Variants in LDLRAD4 observed in about 807,000 individuals in gnomAD.
LDLRAD4 encodes low density lipoprotein receptor class A domain containing 4.
LDLRAD4 carries 5 observed loss-of-function variants against 17.0 expected under a neutral mutation model. The observed-to-expected ratio is 0.29, with a 90% CI of 0.15 to 0.62. LDLRAD4 has a LOEUF of 0.62. Among genes scored for constraint, LDLRAD4 ranks in the 20% least tolerant of loss-of-function variants. The pLI is 0.84. For missense variants in LDLRAD4, 340 were observed against 424.7 expected, an observed-to-expected ratio of 0.80 and a Z score of 1.75; for synonymous variants, 168 against 171.8, an observed-to-expected ratio of 0.98 and a Z score of 0.17.
At chr18:13,633,305 T>C (rs888058067) in intron 4 of LDLRAD4, among the ~76,000 whole-genome samples, 1 of 152,266 alleles carries the variant, frequency 6.6e-6, no homozygotes, top group Non-Finnish European at 1.5e-5. Context: ...GTTCTTACTC[T>C]GGTCTGTGGA....
intron 3 of LDLRAD4, among the ~76,000 whole-genome samples, chr18:13,569,668 G>A (rs1283672305): frequency 6.6e-6 from 1 of 152,172 alleles, no homozygotes; most frequent in Non-Finnish European, 1.5e-5. Context: ...CAGATCACTT[G>A]AGGTCAGGAG....
intron 3 of LDLRAD4, chr18:13,462,248 A>G (rs2092458731): frequency 1.3e-5 from 2 of 152,286 alleles, no homozygotes; most frequent in South Asian, 4.1e-4. Context: ...CAGAAAGAAC[A>G]CTGTTACCAG....
chr18:13,607,022 A>AAAATC (rs2095231181), intron 3 of LDLRAD4, among the ~76,000 whole-genome samples: 1 of 152,226 alleles, frequency 6.6e-6, no homozygotes, highest in South Asian at 2.1e-4. Flanking sequence ...TCAGGCTAAA[A>AAAATC]AAATCAAAGT....
intron 2 of LDLRAD4, 136 bp from the exon 4 acceptor site, chr18:13,438,108 C>A: frequency 1.3e-6 from 1 of 778,446 alleles, no homozygotes. Context: ...AGTTTAGTGT[C>A]CTGGGCTCTC....
At chr18:13,545,597 C>T (rs1470016466) in intron 3 of LDLRAD4, among the ~76,000 whole-genome samples, 2 of 152,124 alleles carry the variant, frequency 1.3e-5, no homozygotes, top group African/African-American at 4.8e-5. Flanking sequence ...GGTTACTCTT[C>T]CACACACACA....
intron 4 of LDLRAD4, chr18:13,642,735 T>G: frequency 1.6e-6 from 2 of 1,231,562 alleles, no homozygotes; most frequent in Non-Finnish European, 2.0e-6. Flanking sequence ...GACAGTCATC[T>G]TGAATGTATT....
chr18:13,533,244 C>CA (rs1050323351), intron 3 of LDLRAD4, among the ~76,000 whole-genome samples: 1 of 152,144 alleles, frequency 6.6e-6, no homozygotes, highest in Admixed American at 6.5e-5. Flanking sequence ...TTTGTTGCTG[C>CA]AATGGATTTT....
At chr18:13,566,275 C>A (rs2094599949) in intron 3 of LDLRAD4, among the ~76,000 whole-genome samples, 1 of 152,142 alleles carries the variant, frequency 6.6e-6, no homozygotes, top group African/African-American at 2.4e-5. Context: ...TCTGGAAGGT[C>A]AGTCTGTCCT....
chr18:13,320,925 T>C (rs1247120353), intron 1 of LDLRAD4, among the ~76,000 whole-genome samples: 1 of 152,190 alleles, frequency 6.6e-6, no homozygotes, highest in African/African-American at 2.4e-5. Context: ...TCTCCGTGAC[T>C]GGACATAACA....
intron 1 of LDLRAD4, among the ~76,000 whole-genome samples, chr18:13,337,257 C>G (rs1181642755): frequency 6.6e-6 from 1 of 152,210 alleles, no homozygotes; most frequent in Non-Finnish European, 1.5e-5. Flanking sequence ...ACAGCCGTGT[C>G]TTTCAGGGTG....
chr18:13,492,846 C>T (rs140242662), intron 3 of LDLRAD4, among the ~76,000 whole-genome samples: 58 of 152,264 alleles, frequency 3.8e-4, no homozygotes, highest in Admixed American at 9.1e-4. Context: ...TAGAGGAGAA[C>T]GGGCTGGGTG....
chr18:13,227,387 G>A (rs894218609), intron 1 of LDLRAD4, among the ~76,000 whole-genome samples: 1 of 152,206 alleles, frequency 6.6e-6, no homozygotes, highest in South Asian at 2.1e-4. Flanking sequence ...TCTAGGGCTG[G>A]TCATGATCGG....
rs58235384 is a variant in LDLRAD4 at position 13,597,506 on chromosome 18, T to TTCTCTCTCTCTC, written c.182-23598_182-23587dup. ...TCTTTGGATTTTTGTTTCTGCTCAT[T>TTCTCTCTCTCTC]TCTCTCTCTCTCTCTCTCTCTCTCC... On this transcript the variant is annotated intron_variant, in intron 3 of 5. Coordinates refer to ENST00000359446, the Ensembl canonical transcript of LDLRAD4. Among the ~76,000 whole-genome samples the TTCTCTCTCTCTC allele has an allele frequency of 3.7e-3, 543 of 148,130 alleles. 3 individuals carry two copies. The highest frequency in any genetic ancestry group is 0.013 in the African/African-American group (509 of 40,102).
Position 13,367,729 on chromosome 18 carries a change from G to A in LDLRAD4, c.-382-19612G>A, listed in dbSNP as rs543074952. ...TCAAGGGATATACCGAGAGGAGACAGCCGAGCCCGGGGGGCATGCACTGTC... is the reference window on the plus strand; with the variant it reads ...TCAAGGGATATACCGAGAGGAGACAACCGAGCCCGGGGGGCATGCACTGTC... On this transcript the variant is annotated intron_variant, in intron 1 of 5. Coordinates refer to ENST00000359446, the Ensembl canonical transcript of LDLRAD4. This position sits in a 1 kb window ranked among gnomAD's most constrained non-coding sequence, Gnocchi z 4.1. 6.6e-6 allele frequency among the ~76,000 whole-genome samples: 1 copy of A among 151,918 alleles called. No homozygotes were observed. The highest frequency in any genetic ancestry group is 2.1e-4 in the South Asian group (1 of 4,800).
chr18:13,533,720 G>A (rs768667404), intron 3 of LDLRAD4, among the ~76,000 whole-genome samples: 1 of 152,164 alleles, frequency 6.6e-6, no homozygotes, highest in East Asian at 1.9e-4. Context: ...TAGTTAGAAG[G>A]AGGGATGAGA....
intron 3 of LDLRAD4, among the ~76,000 whole-genome samples, chr18:13,547,607 G>A (rs1463214969): frequency 6.6e-6 from 1 of 152,222 alleles, no homozygotes; most frequent in Non-Finnish European, 1.5e-5. Context: ...GTGGAGTGTG[G>A]CCACTGTACA....
chr18:13,397,048 G>A (rs892067271), intron 2 of LDLRAD4, among the ~76,000 whole-genome samples: 1 of 152,244 alleles, frequency 6.6e-6, no homozygotes. Flanking sequence ...CATTTCACAC[G>A]AGGGTTCTGT....
intron 3 of LDLRAD4, among the ~76,000 whole-genome samples, chr18:13,443,321 G>C (rs3859300): frequency 0.54 from 82,210 of 151,886 alleles, 22,962 homozygotes; most frequent in East Asian, 0.87. Context: ...TTCCCTTAAG[G>C]CAGCAACTTC....
rs1027405795 is a variant in LDLRAD4, at chr18:13,314,776, C to T, written c.-383+36588C>T. On this transcript the variant is annotated intron_variant, in intron 1 of 5. Coordinates refer to ENST00000359446, the Ensembl canonical transcript of LDLRAD4. ...CAAAGGCTGTGTGAGTGTAAGAGACCGAGATCCTGGGGAGAAGGGAAAATA... is the reference window on the plus strand; with the variant it reads ...CAAAGGCTGTGTGAGTGTAAGAGACTGAGATCCTGGGGAGAAGGGAAAATA... Among the ~76,000 whole-genome samples the T allele has an allele frequency of 5.9e-5, 9 of 152,238 alleles. 1 individual carries two copies. The highest frequency in any genetic ancestry group is 6.8e-3 in the Middle Eastern group (2 of 294).
Sources: gnomAD v4.1 joint callset for allele counts (sites outside exome capture counted in the v4.1 genomes callset) on GRCh38, gnomAD v4.1.1 for gene constraint, Gnocchi (gnomAD v3.1) non-coding constraint, MANE v1.5 for transcripts, NCBI Gene and HGNC (gene_info 2026-07-23, HGNC 2026-07-21) for gene names.